GCNT1: variants seen among roughly 807,000 people sequenced by gnomAD.
GCNT1 encodes glucosaminyl (N-acetyl) transferase 1.
A neutral mutation model predicts 26.2 loss-of-function variants in GCNT1; 16 were observed. The observed-to-expected ratio is 0.61, with a 90% CI of 0.41 to 0.93. The LOEUF (loss-of-function observed/expected upper bound fraction) is 0.93. Among genes scored for constraint, GCNT1 ranks in the 40% least tolerant of loss-of-function variants. The pLI, the probability that GCNT1 is intolerant of heterozygous loss-of-function variation, is 0.00. For missense variants in GCNT1, 477 were observed against 526.7 expected (o/e 0.91, Z 0.92); for synonymous variants, 183 against 190.8 (o/e 0.96, Z 0.34).
Position 76,502,626 on chromosome 9 carries a change from T to A in GCNT1, c.245T>A (p.Phe82Tyr), listed in dbSNP as rs138234792. 82 of 1,613,738 alleles carry A rather than the reference T, an allele frequency of 5.1e-5. No homozygotes were observed. Among genetic ancestry groups the A allele is most frequent in the Non-Finnish European group, 6.8e-5 (80 of 1,179,962 alleles). The change falls in exon 4 of 4, where the codon TTT becomes TAT. Residue 82 changes from phenylalanine (F) to tyrosine (Y), a missense_variant. Coordinates refer to ENST00000376730, the MANE Select transcript of GCNT1 (RefSeq NM_001490.5). ...AAGCTTGAGATCCTAACAGTGAAAT[T>A]TAAAAAGCGCCCTCGGTGGACACCT... ...KVKLEILTVKFKKRPRWTPDD... is the reference protein window; with the variant it reads ...KVKLEILTVKYKKRPRWTPDD...
upstream of GCNT1, among the ~76,000 whole-genome samples, chr9:76,454,386 GAAAAAAAAAAAAAAA>G (rs71372084): frequency 7.6e-5 from 3 of 39,606 alleles, no homozygotes; most frequent in Non-Finnish European, 9.9e-5. Context: ...TCTCAGAAAA[GAAAAAAAAAAAAAAA>G]AAAAAAAAAA....
intron 2 of GCNT1, among the ~76,000 whole-genome samples, chr9:76,486,962 G>A (rs7047230): frequency 0.027 from 4,102 of 152,118 alleles, 186 homozygotes; most frequent in African/African-American, 0.092. Flanking sequence ...TAAATTTTTA[G>A]CAGAAGAGCT....
chr9:76,429,921 A>G (rs1212997736), intron 1 of GCNT1, among the ~76,000 whole-genome samples: 1 of 151,964 alleles, frequency 6.6e-6, no homozygotes, highest in Non-Finnish European at 1.5e-5. Context: ...TCACCATGTT[A>G]GCCAGGATGG....
chr9:76,470,754 A>G (rs1824114189), intron 2 of GCNT1, among the ~76,000 whole-genome samples: 1 of 152,162 alleles, frequency 6.6e-6, no homozygotes, highest in African/African-American at 2.4e-5. Flanking sequence ...ATATACAATT[A>G]TTATTTGTCA....
chr9:76,413,653 G>GTTTTTGTTTTTTTGTTTT, the GCNT1 span, among the ~76,000 whole-genome samples: 1 of 118,664 alleles, frequency 8.4e-6, no homozygotes, highest in African/African-American at 3.1e-5. Context: ...GTTTTGTTTT[G>GTTTTTGTTTTTTTGTTTT]TTTTTTTTTT....
intron 2 of GCNT1, among the ~76,000 whole-genome samples, chr9:76,490,384 T>C (rs994246092): frequency 4.6e-5 from 7 of 152,190 alleles, no homozygotes; most frequent in Non-Finnish European, 1.0e-4. Context: ...TGTGTGGTAG[T>C]AATGAAGTAG....
intron 1 of GCNT1, among the ~76,000 whole-genome samples, chr9:76,445,140 A>G (rs2131583877): frequency 1.3e-5 from 2 of 152,278 alleles, no homozygotes; most frequent in Middle Eastern, 6.8e-3. Context: ...TTGCATGCTG[A>G]TAGGAACGAT....
chr9:76,486,885 G>A (rs1824593073), intron 2 of GCNT1, among the ~76,000 whole-genome samples: 1 of 151,978 alleles, frequency 6.6e-6, no homozygotes, highest in African/African-American at 2.4e-5. Context: ...AGACCAGCCT[G>A]GCCACAATGG....
At chr9:76,438,598 TTCATTCAGA>T (rs1178633393), upstream of GCNT1, among the ~76,000 whole-genome samples, 7 of 152,230 alleles carry the variant, frequency 4.6e-5, no homozygotes, top group Admixed American at 4.6e-4. Context: ...AAAGGAGGGG[TTCATTCAGA>T]TGATTAGGGG....
At chr9:76,485,201 C>T (rs1824540569) in intron 2 of GCNT1, among the ~76,000 whole-genome samples, 1 of 152,092 alleles carries the variant, frequency 6.6e-6, no homozygotes, top group Non-Finnish European at 1.5e-5. Context: ...GAGATGGAGT[C>T]TCACTCCGTC....
intron 1 of GCNT1, among the ~76,000 whole-genome samples, chr9:76,425,125 C>T (rs1209599619): frequency 6.5e-5 from 6 of 92,542 alleles, no homozygotes; most frequent in Admixed American, 1.6e-4. Flanking sequence ...GATGACAGAA[C>T]GAAACTCCGT....
intron 2 of GCNT1, among the ~76,000 whole-genome samples, chr9:76,476,401 AT>A (rs1168963175): frequency 6.6e-6 from 1 of 151,934 alleles, no homozygotes; most frequent in Non-Finnish European, 1.5e-5. Context: ...TCTATTTGGT[AT>A]TATAAACTGC....
chr9:76,490,471 G>A (rs1175959734), intron 2 of GCNT1, among the ~76,000 whole-genome samples: 1 of 152,220 alleles, frequency 6.6e-6, no homozygotes, highest in East Asian at 1.9e-4. Context: ...GTATGGCCCT[G>A]TGCTGACAGA....
chr9:76,398,405 A>C, the GCNT1 span, among the ~76,000 whole-genome samples: 1 of 152,266 alleles, frequency 6.6e-6, no homozygotes, highest in Admixed American at 6.5e-5. Flanking sequence ...AAAATTCAGA[A>C]CACTGACAAC....
At chr9:76,440,000 C>G (rs1428471326), upstream of GCNT1, among the ~76,000 whole-genome samples, 5 of 151,640 alleles carry the variant, frequency 3.3e-5, no homozygotes, top group African/African-American at 1.2e-4. Context: ...ACTTGGGAGG[C>G]TGAGGCAGGA....
At chr9:76,394,506 C>T in the GCNT1 span, 3,926 of 232,038 alleles carry the variant, frequency 0.017, 150 homozygotes, top group African/African-American at 0.083. Flanking sequence ...GCGCTCCCTT[C>T]CTCAGCCGAA....
intron 2 of GCNT1, among the ~76,000 whole-genome samples, chr9:76,461,531 C>T (rs1255375062): frequency 2.1e-5 from 3 of 141,848 alleles, no homozygotes; most frequent in South Asian, 4.6e-4. Context: ...TGCAGTGAGC[C>T]GAGATTGCAC....
At chr9:76,402,331 A>G in the GCNT1 span, among the ~76,000 whole-genome samples, 48 of 152,360 alleles carry the variant, frequency 3.2e-4, no homozygotes, top group African/African-American at 1.1e-3. Context: ...GTACTGTTGT[A>G]TCATATTAAA....
chr9:76,490,209 T>G (rs1399109406), intron 2 of GCNT1, among the ~76,000 whole-genome samples: 2 of 152,172 alleles, frequency 1.3e-5, no homozygotes, highest in Non-Finnish European at 2.9e-5. Flanking sequence ...CAACACTCTT[T>G]CCCTAAGAAG....
Sources: gnomAD v4.1 joint callset for allele counts (sites outside exome capture counted in the v4.1 genomes callset) on GRCh38, gnomAD v4.1.1 for gene constraint, MANE v1.5 for transcripts, NCBI Gene and HGNC (gene_info 2026-07-23, HGNC 2026-07-21) for gene names.